The following SMURF2 variants were observed in gnomAD, a reference collection of about 807,000 sequenced individuals.
SMURF2 encodes E3 ubiquitin-protein ligase SMURF2.
In SMURF2, 48 loss-of-function variants were observed where a neutral mutation model predicts 109.6. That is an observed-to-expected ratio of 0.44 (90% CI 0.35 to 0.56). The LOEUF (loss-of-function observed/expected upper bound fraction) is 0.56. Ranked by LOEUF, SMURF2 falls within the 20% of genes least tolerant of loss-of-function variation. SMURF2 has a pLI of 0.01. For missense variants in SMURF2, 575 were observed against 909.0 expected (o/e 0.63, Z 4.72); for synonymous variants, 288 against 317.1 (o/e 0.91, Z 0.97).
In SMURF2 at chr17:64,545,736, G is replaced by C. The variant is rs1332585102; in HGVS notation, c.*112C>G. ...AAATGTAAAAAAAAAAAAAAAAAGG[G>C]GGGGGGGGGGAGTGTTTTCCTGTAT... is the stretch of plus-strand genomic sequence containing the variant. On this transcript the variant is annotated 3_prime_UTR_variant, in exon 19 of 19. Coordinates refer to ENST00000262435, the MANE Select transcript of SMURF2 (RefSeq NM_022739.4). 1.0e-4 allele frequency: 26 copies of C among 254,616 alleles called. No individual in the cohort carries two copies. The highest frequency in any genetic ancestry group is 3.2e-4 in the Admixed American group (4 of 12,580). The allele number at this position is 254,616 out of a possible 1,614,324, so 15.8% of individuals were successfully genotyped here. A position where few individuals can be genotyped will look rare whatever the true frequency, so the allele number is the denominator to read the frequency against.
At chr17:64,611,024 C>T (rs1970036471) in intron 1 of SMURF2, among the ~76,000 whole-genome samples, 1 of 152,198 alleles carries the variant, frequency 6.6e-6, no homozygotes, top group Admixed American at 6.5e-5. Flanking sequence ...ACCACATTCA[C>T]CTGGTTCTAC....
chr17:64,570,672 C>A (rs908334360), intron 10 of SMURF2, among the ~76,000 whole-genome samples: 3 of 152,178 alleles, frequency 2.0e-5, no homozygotes, highest in African/African-American at 7.2e-5. Context: ...CCACTGGCAA[C>A]GTATGGAAAG....
intron 11 of SMURF2, among the ~76,000 whole-genome samples, chr17:64,562,170 G>A (rs187368891): frequency 7.5e-4 from 112 of 149,834 alleles, no homozygotes; most frequent in Admixed American, 6.6e-3. Context: ...GCGTGTGCCT[G>A]TAGTCCCAGG....
intron 1 of SMURF2, among the ~76,000 whole-genome samples, chr17:64,643,462 A>G (rs1970516542): frequency 6.6e-6 from 1 of 152,132 alleles, no homozygotes; most frequent in South Asian, 2.1e-4. Context: ...CCTGTGCCCT[A>G]GGAGGCTGCC....
At chr17:64,631,328 CAGAG>C (rs1282544902) in intron 1 of SMURF2, among the ~76,000 whole-genome samples, 2 of 65,022 alleles carry the variant, frequency 3.1e-5, no homozygotes, top group East Asian at 4.1e-4. Flanking sequence ...GAGAGAGAGA[CAGAG>C]AGAGAGAGAC....
intron 1 of SMURF2, among the ~76,000 whole-genome samples, chr17:64,607,196 T>C (rs905453150): frequency 6.6e-6 from 1 of 152,110 alleles, no homozygotes; most frequent in African/African-American, 2.4e-5. Context: ...CTATATCTTT[T>C]AAGAATTTAA....
At position 64,581,840 on chromosome 17, in the gene SMURF2, G is replaced by C. The variant is rs1278290855; in HGVS notation, c.570-849C>G. 6.6e-6 allele frequency among the ~76,000 whole-genome samples: 1 copy of C among 151,958 alleles called. No individual in the cohort carries two copies. The highest frequency in any genetic ancestry group is 1.5e-5 in the Non-Finnish European group (1 of 67,998). On this transcript the variant is annotated intron_variant, in intron 7 of 18. Transcript: ENST00000262435. This position sits in a 1 kb window ranked among gnomAD's most constrained non-coding sequence, Gnocchi z 4.3. ...GGCGCCTGTAGTCCCAGCTACTCGG[G>C]AGGCTGAGGTACGAGAATTGCTTGA... is the stretch of plus-strand genomic sequence containing the variant.
intron 3 of SMURF2, among the ~76,000 whole-genome samples, chr17:64,594,853 G>C (rs367642468): frequency 1.3e-5 from 2 of 152,058 alleles, no homozygotes; most frequent in African/African-American, 4.8e-5. Flanking sequence ...AGCCAGGCAC[G>C]GTGGCATGCA....
chr17:64,648,811 T>C (rs943672612), intron 1 of SMURF2, among the ~76,000 whole-genome samples: 1 of 152,144 alleles, frequency 6.6e-6, no homozygotes, highest in African/African-American at 2.4e-5. Flanking sequence ...ATTGAAGTAC[T>C]ACATATGCAG....
At chr17:64,639,454 G>A (rs904737736) in intron 1 of SMURF2, among the ~76,000 whole-genome samples, 6 of 152,102 alleles carry the variant, frequency 3.9e-5, no homozygotes, top group Non-Finnish European at 7.4e-5. Flanking sequence ...GTGCACATCT[G>A]TAATCCCAGC....
intron 5 of SMURF2, among the ~76,000 whole-genome samples, chr17:64,588,451 TA>T (rs1472209842): frequency 6.6e-6 from 1 of 152,044 alleles, no homozygotes; most frequent in Non-Finnish European, 1.5e-5. Context: ...CTTCATCCTT[TA>T]AAAATAATTA....
intron 1 of SMURF2, among the ~76,000 whole-genome samples, chr17:64,618,020 T>C (rs1970149203): frequency 6.6e-6 from 1 of 152,238 alleles, no homozygotes; most frequent in Admixed American, 6.5e-5. Flanking sequence ...GTCAGAATTA[T>C]AGATTTTATT....
At chr17:64,551,502 G>T in intron 16 of SMURF2, 82 bp downstream of exon 16, 1 of 1,440,544 alleles carries the variant, frequency 6.9e-7, no homozygotes, top group Non-Finnish European at 9.6e-7. Context: ...CCAGAAATAT[G>T]CTTTCCTCTA....
rs782108294 is a variant in SMURF2 at position 64,580,970 on chromosome 17, G to T, written c.591C>A (p.Ser197Arg). ...CAAAGCAGCTAAGAGGTCTGCCAGGGCTAGAATATTCGGATGCCGGTCTAT... is the reference window on the plus strand; with the variant it reads ...CAAAGCAGCTAAGAGGTCTGCCAGGTCTAGAATATTCGGATGCCGGTCTAT... ...RPTRPASEYSSPGRPLSCFVD... is the reference protein window; with the variant it reads ...RPTRPASEYSRPGRPLSCFVD... The change falls in exon 8 of 19, where the codon AGC becomes AGA. Residue 197 changes from serine (S) to arginine (R), a missense_variant. By Grantham distance (110) the Ser-to-Arg change is moderately radical. Coordinates refer to ENST00000262435, the MANE Select transcript of SMURF2 (RefSeq NM_022739.4). The T allele has an allele frequency of 1.2e-6, 2 of 1,614,086 alleles. No homozygotes were observed. Among genetic ancestry groups the T allele is most frequent in the Non-Finnish European group, 1.7e-6 (2 of 1,180,000 alleles).
At chr17:64,583,714 T>C (rs1288022288) in intron 6 of SMURF2, among the ~76,000 whole-genome samples, 170 bp from the exon 7 acceptor site, 1 of 152,204 alleles carries the variant, frequency 6.6e-6, no homozygotes, top group Non-Finnish European at 1.5e-5. Context: ...ATATATTTTA[T>C]GGGATTCTGA....
chr17:64,662,021 G>A lies in SMURF2; in HGVS notation c.-141C>T, dbSNP rs1352375123. On this transcript the variant is annotated 5_prime_UTR_variant, in exon 1 of 19. Transcript: ENST00000262435. ...ACGGCCGGAGGGTCCCGGATGTGCC[G>A]AGAGTCGTCGCCATGAGCCGCGGAG... The A allele has an allele frequency of 1.5e-5, 17 of 1,113,856 alleles. No individual in the cohort carries two copies. The highest frequency in any genetic ancestry group is 6.7e-5 in the African/African-American group (4 of 59,988). The allele number at this position is 1,113,856 out of a possible 1,614,324, so 69.0% of individuals were successfully genotyped here. A position where few individuals can be genotyped will look rare whatever the true frequency, so the allele number is the denominator to read the frequency against.
chr17:64,582,090 C>T (rs1459934595), intron 7 of SMURF2, among the ~76,000 whole-genome samples: 1 of 152,046 alleles, frequency 6.6e-6, no homozygotes, highest in Non-Finnish European at 1.5e-5. Flanking sequence ...AACACTGACA[C>T]AAGTACATAT....
intron 9 of SMURF2, among the ~76,000 whole-genome samples, chr17:64,575,990 A>G (rs1969484501): frequency 6.6e-6 from 1 of 151,960 alleles, no homozygotes; most frequent in Non-Finnish European, 1.5e-5. Context: ...AGATTGCTTG[A>G]GCTCAGGAGT....
chr17:64,586,088 G>A lies in SMURF2; in HGVS notation c.483C>T (p.Asp161=), dbSNP rs149849389. The A allele has an allele frequency of 4.2e-5, 67 of 1,586,908 alleles. No homozygotes were observed. Among genetic ancestry groups the A allele is most frequent in the Admixed American group, 3.4e-4 (20 of 58,902 alleles). ...TGATTTCAGTGATGTTAGCTTACCC[G>A]TCTGGTAAATCGTTATCAAATAAAC... ...CSRLFDNDLP[D]GWEERRTASG... Residue 161 remains aspartate, a splice_region_variant and synonymous_variant, in exon 6 of 19, where the codon GAC becomes GAT. Coordinates refer to ENST00000262435, the MANE Select transcript of SMURF2 (RefSeq NM_022739.4).
Sources: allele counts gnomAD v4.1 joint callset (sites outside exome capture counted in the v4.1 genomes callset), GRCh38; gene constraint gnomAD v4.1.1; non-coding constraint Gnocchi (gnomAD v3.1); transcripts MANE v1.5; gene names NCBI Gene and HGNC (gene_info 2026-07-23, HGNC 2026-07-21).